Variants in ABCG2 observed in about 807,000 individuals in gnomAD.
The protein encoded by ABCG2 is ATP binding cassette subfamily G member 2 (JR blood group).
ABCG2 carries 80 observed loss-of-function variants against 73.5 expected under a neutral mutation model. The ratio of observed to expected loss-of-function variants is 1.09; its 90% CI spans 0.91 to 1.31. The LOEUF (loss-of-function observed/expected upper bound fraction) is 1.31. ABCG2 is among the 50% of genes most tolerant of loss of function. ABCG2 has a pLI of 0.00. For synonymous variants in ABCG2, 269 were observed against 282.4 expected, an observed-to-expected ratio of 0.95 and a Z score of 0.48; for missense variants, 796 against 786.2, an observed-to-expected ratio of 1.01 and a Z score of -0.15.
intron 6 of ABCG2, among the ~76,000 whole-genome samples, chr4:88,118,981 G>C (rs1334169834): frequency 6.6e-6 from 1 of 152,180 alleles, no homozygotes; most frequent in Non-Finnish European, 1.5e-5. Context: ...CAGGAGTTAT[G>C]ACTTACAGGT....
intron 1 of ABCG2, among the ~76,000 whole-genome samples, chr4:88,167,605 C>T (rs889540770): frequency 4.6e-5 from 7 of 152,060 alleles, no homozygotes; most frequent in Admixed American, 2.0e-4. Flanking sequence ...GAACTCCTGA[C>T]CTCAGGTGAT....
At chr4:88,160,392 G>GA (rs533629851), upstream of ABCG2, among the ~76,000 whole-genome samples, 10 of 152,116 alleles carry the variant, frequency 6.6e-5, no homozygotes, top group Middle Eastern at 6.8e-3. Context: ...TATGATACCA[G>GA]AAAAAATGAA....
intron 7 of ABCG2, among the ~76,000 whole-genome samples, chr4:88,115,635 AAAAG>A (rs1400262063): frequency 1.3e-5 from 2 of 151,422 alleles, no homozygotes; most frequent in Non-Finnish European, 2.9e-5. Flanking sequence ...AAAAAAAAAA[AAAAG>A]AAAGAAAAGA....
intron 1 of ABCG2, among the ~76,000 whole-genome samples, chr4:88,219,630 G>A (rs1729939570): frequency 7.3e-6 from 1 of 136,632 alleles, no homozygotes; most frequent in South Asian, 2.3e-4. Context: ...CACCCAGGCT[G>A]GAGTGCAATG....
chr4:88,201,980 T>A (rs1729179654), intron 1 of ABCG2, among the ~76,000 whole-genome samples: 1 of 152,050 alleles, frequency 6.6e-6, no homozygotes, highest in Non-Finnish European at 1.5e-5. Flanking sequence ...AATTCTGATT[T>A]AATTGGTATG....
intron 15 of ABCG2, 139 bp from the exon 16 acceptor site, chr4:88,092,520 G>T: frequency 1.2e-6 from 1 of 853,228 alleles, no homozygotes; most frequent in Non-Finnish European, 1.8e-6. Context: ...ATAGCTAACA[G>T]TCATTGTGTG....
chr4:88,098,068 C>A (rs1242866150), intron 12 of ABCG2, among the ~76,000 whole-genome samples: 1 of 152,134 alleles, frequency 6.6e-6, no homozygotes, highest in Non-Finnish European at 1.5e-5. Flanking sequence ...CCCAAGCCTC[C>A]CCAGACAGAT....
chr4:88,210,707 C>G (rs1167321502), intron 1 of ABCG2, among the ~76,000 whole-genome samples: 3 of 151,920 alleles, frequency 2.0e-5, no homozygotes, highest in Non-Finnish European at 4.4e-5. Context: ...ATTCTCCCAC[C>G]TCAGCCCCTG....
At chr4:88,111,334 A>C (rs1723119226) in intron 9 of ABCG2, among the ~76,000 whole-genome samples, 1 of 152,234 alleles carries the variant, frequency 6.6e-6, no homozygotes, top group East Asian at 1.9e-4. Context: ...TCAAAGAATA[A>C]AATTTTGCCT....
chr4:88,121,863 G>T, intron 5 of ABCG2, 71 bp from the exon 6 acceptor site: 2 of 1,453,894 alleles, frequency 1.4e-6, no homozygotes, highest in East Asian at 2.3e-5. Context: ...CCTAACGTGT[G>T]CCAGTCCTGT....
chr4:88,094,568 A>G lies in ABCG2; in HGVS notation c.1820+9T>C, dbSNP rs1721857531. 1.9e-6 allele frequency: 3 copies of G among 1,611,898 alleles called. No individual in the cohort carries two copies. Among genetic ancestry groups the G allele is most frequent in the Non-Finnish European group, 2.5e-6 (3 of 1,177,912 alleles). ...ACAAAACCCATTTTGACACTGAACA[A>G]AAACTTACGTTGCATAGTTACAAGG... On this transcript the variant is annotated intron_variant, in intron 15 of 15. Transcript: ENST00000237612.
At chr4:88,179,480 T>C (rs549439339) in intron 1 of ABCG2, among the ~76,000 whole-genome samples, 4 of 152,278 alleles carry the variant, frequency 2.6e-5, no homozygotes, top group East Asian at 3.9e-4. Context: ...TAAATACTTA[T>C]CTTCAATGCT....
chr4:88,148,334 T>G (rs1439627433), intron 1 of ABCG2, among the ~76,000 whole-genome samples: 6 of 152,150 alleles, frequency 3.9e-5, no homozygotes, highest in Non-Finnish European at 8.8e-5. Context: ...GCTGTTCTAG[T>G]AAAGGAATGC....
intron 1 of ABCG2, among the ~76,000 whole-genome samples, chr4:88,218,734 C>G (rs1007261007): frequency 1.2e-4 from 19 of 152,210 alleles, no homozygotes; most frequent in African/African-American, 4.6e-4. Context: ...GAATAATAGT[C>G]TCCAATCCCA....
intron 1 of ABCG2, among the ~76,000 whole-genome samples, chr4:88,202,962 C>G (rs1729240484): frequency 6.6e-6 from 1 of 152,162 alleles, no homozygotes; most frequent in African/African-American, 2.4e-5. Flanking sequence ...TTTACCTTTT[C>G]TCTTTCCCTT....
At chr4:88,144,716 A>C (rs2725249) in intron 1 of ABCG2, among the ~76,000 whole-genome samples, 72,679 of 151,866 alleles carry the variant, frequency 0.48, 18,163 homozygotes, top group East Asian at 0.67. Context: ...GTCGGCCTCC[A>C]AAAGTGCTGG....
chr4:88,156,105 T>C (rs1009670643), intron 1 of ABCG2, among the ~76,000 whole-genome samples: 2 of 151,770 alleles, frequency 1.3e-5, no homozygotes, highest in African/African-American at 2.4e-5. Flanking sequence ...CCGGGCATGA[T>C]AGCTCACACC....
rs186699952 is a variant in ABCG2, at chr4:88,230,284, G to A, written c.-20+710C>T. 2.0e-3 allele frequency among the ~76,000 whole-genome samples: 159 copies of A among 78,384 alleles called. 2 individuals are homozygous for A. Among genetic ancestry groups the A allele is most frequent in the African/African-American group, 9.5e-3 (136 of 14,328 alleles). 51.4% of individuals were successfully genotyped at this position (78,384 alleles called of 152,430 possible). On this transcript the variant is annotated intron_variant, in intron 1 of 15. Coordinates refer to the ABCG2 transcript ENST00000515655. ...CTGGGATTACAGGCATGATTACACCGCACCTGTTATATATATATATATATT... is the reference window on the plus strand; with the variant it reads ...CTGGGATTACAGGCATGATTACACCACACCTGTTATATATATATATATATT...
intron 1 of ABCG2, among the ~76,000 whole-genome samples, chr4:88,227,959 G>A (rs766123645): frequency 6.6e-6 from 1 of 152,152 alleles, no homozygotes; most frequent in African/African-American, 2.4e-5. Context: ...CCACAGACCA[G>A]CTGTGTGCCT....
Sources: gnomAD v4.1 joint callset for allele counts (sites outside exome capture counted in the v4.1 genomes callset) on GRCh38, gnomAD v4.1.1 for gene constraint, MANE v1.5 for transcripts, NCBI Gene and HGNC (gene_info 2026-07-23, HGNC 2026-07-21) for gene names.